ASPRV1: variants seen among roughly 807,000 people sequenced by gnomAD.
ASPRV1 encodes the protein aspartic peptidase retroviral like 1, also known as retroviral-like aspartic protease 1.
ASPRV1 carries 7 observed loss-of-function variants against 11.0 expected under a neutral mutation model. The ratio of observed to expected loss-of-function variants is 0.64; its 90% CI spans 0.36 to 1.20. The LOEUF is 1.20. Among genes scored for constraint, ASPRV1 ranks in the 50% most tolerant of loss-of-function variants. The pLI is 0.02. For missense variants in ASPRV1, 299 were observed against 320.0 expected (o/e 0.93, Z 0.50); for synonymous variants, 136 against 138.4 (o/e 0.98, Z 0.12).
the ASPRV1 span, among the ~76,000 whole-genome samples, chr2:70,082,800 G>A: frequency 6.6e-6 from 1 of 152,298 alleles, no homozygotes; most frequent in African/African-American, 2.4e-5. Flanking sequence ...AGGCTGAGGT[G>A]GGAGGATTGC....
At chr2:69,999,388 C>T in the ASPRV1 span, among the ~76,000 whole-genome samples, 1 of 152,098 alleles carries the variant, frequency 6.6e-6, no homozygotes, top group Admixed American at 6.5e-5. Context: ...AAGACAGAAA[C>T]AATGCCTATA....
At chr2:69,944,832 G>C in the ASPRV1 span, among the ~76,000 whole-genome samples, 2 of 151,776 alleles carry the variant, frequency 1.3e-5, no homozygotes. Flanking sequence ...ATCCTCCTGG[G>C]GATCTAGTGG....
chr2:69,960,832 G>A lies in ASPRV1; in HGVS notation c.605C>T (p.Thr202Ile), dbSNP rs367637047. Reference protein sequence around the residue: ...NASAEEAIIGTDVLQDHNAIL... With the variant: ...NASAEEAIIGIDVLQDHNAIL... The stretch of plus-strand genomic sequence containing the variant: ...AGCATTGTGGTCCTGGAGCACATCA[G>A]TGCCAATGATGGCTTCCTCGGCACT... The change falls in exon 1 of 1, where the codon ACT (threonine) becomes ATT (isoleucine). Residue 202 changes from threonine to isoleucine, a missense_variant. By Grantham distance (89) the Thr-to-Ile change is moderately conservative (BLOSUM62 -1). Coordinates refer to ENST00000320256, the MANE Select transcript of ASPRV1 (RefSeq NM_152792.4). 3.1e-6 allele frequency: 5 copies of A among 1,614,076 alleles called. No individual in the cohort carries two copies. Among genetic ancestry groups the A allele is most frequent in the Non-Finnish European group, 4.2e-6 (5 of 1,180,038 alleles).
At chr2:70,078,570 A>G in the ASPRV1 span, among the ~76,000 whole-genome samples, 1 of 152,306 alleles carries the variant, frequency 6.6e-6, no homozygotes, top group African/African-American at 2.4e-5. Flanking sequence ...CATCTGGAAA[A>G]ATGATGTTCC....
chr2:70,039,315 CAG>C, the ASPRV1 span, among the ~76,000 whole-genome samples: 6 of 152,124 alleles, frequency 3.9e-5, no homozygotes, highest in Non-Finnish European at 8.8e-5. Context: ...TGGATGGAAA[CAG>C]GGTCAGTGTA....
the ASPRV1 span, among the ~76,000 whole-genome samples, chr2:70,025,959 A>G: frequency 6.6e-6 from 1 of 152,358 alleles, no homozygotes; most frequent in East Asian, 1.9e-4. Flanking sequence ...ATCTAGCATC[A>G]GAGAACTAAA....
chr2:70,027,482 C>G, the ASPRV1 span, among the ~76,000 whole-genome samples: 2 of 152,008 alleles, frequency 1.3e-5, no homozygotes, highest in East Asian at 3.9e-4. Flanking sequence ...TCACAATAGC[C>G]AAGATGTGGA....
the ASPRV1 span, chr2:70,032,043 A>G: frequency 6.6e-6 from 1 of 152,190 alleles, no homozygotes; most frequent in Non-Finnish European, 1.5e-5. Flanking sequence ...GACCACAGTC[A>G]TGTGTCCTCC....
chr2:70,007,559 T>C, the ASPRV1 span, among the ~76,000 whole-genome samples: 1 of 151,318 alleles, frequency 6.6e-6, no homozygotes, highest in South Asian at 2.1e-4. Context: ...AAGTAGAGCG[T>C]ATTTAATAAT....
At chr2:70,081,376 T>C in the ASPRV1 span, 2 of 151,944 alleles carry the variant, frequency 1.3e-5, no homozygotes, top group African/African-American at 4.8e-5. Flanking sequence ...ACGCCTGTAG[T>C]GCCAGCTACT....
the ASPRV1 span, among the ~76,000 whole-genome samples, chr2:70,058,713 C>T: frequency 3.3e-5 from 5 of 151,336 alleles, no homozygotes; most frequent in South Asian, 4.2e-4. Context: ...CCAGCACACC[C>T]GGCTAATTTT....
the ASPRV1 span, among the ~76,000 whole-genome samples, chr2:70,067,906 T>G: frequency 3.3e-5 from 5 of 152,212 alleles, no homozygotes; most frequent in African/African-American, 1.2e-4. Context: ...TCAAAAAGAT[T>G]GGGCAGGAGG....
At chr2:69,962,733 C>T (rs1678170793), upstream of ASPRV1, 1 of 163,546 alleles carries the variant, frequency 6.1e-6, no homozygotes, top group Non-Finnish European at 1.4e-5. Flanking sequence ...TCTGCCTGTC[C>T]CTAGAAAGGG....
the ASPRV1 span, among the ~76,000 whole-genome samples, chr2:69,945,208 C>T: frequency 2.6e-5 from 4 of 151,540 alleles, 1 homozygote; most frequent in Admixed American, 6.5e-5. Flanking sequence ...CACTACACTC[C>T]AGCCTGGGCG....
chr2:70,031,218 G>A, the ASPRV1 span: 1 of 152,134 alleles, frequency 6.6e-6, no homozygotes, highest in Non-Finnish European at 1.5e-5. Flanking sequence ...TCACATGCAT[G>A]ATCTCATGTG....
At chr2:69,979,982 G>T in the ASPRV1 span, among the ~76,000 whole-genome samples, 1 of 152,166 alleles carries the variant, frequency 6.6e-6, no homozygotes, top group African/African-American at 2.4e-5. Context: ...AAAAAACTAG[G>T]GCTCAGAAAA....
chr2:70,061,026 G>A, the ASPRV1 span, among the ~76,000 whole-genome samples: 1 of 152,132 alleles, frequency 6.6e-6, no homozygotes, highest in Admixed American at 6.6e-5. Flanking sequence ...GTAAACAAAT[G>A]GGGTGCTAAC....
At chr2:69,990,580 T>G in the ASPRV1 span, among the ~76,000 whole-genome samples, 2 of 152,096 alleles carry the variant, frequency 1.3e-5, no homozygotes, top group Non-Finnish European at 2.9e-5. Context: ...AGGGCTCATG[T>G]GATCCTCCCA....
rs775692995 is a variant in ASPRV1, at chr2:69,961,156, G to C, written c.281C>G (p.Ala94Gly). The C allele has an allele frequency of 6.2e-7, 1 of 1,613,860 alleles. No homozygotes were observed. Among genetic ancestry groups the C allele is most frequent in the Non-Finnish European group, 8.5e-7 (1 of 1,179,834 alleles). The change falls in exon 1 of 1, where the codon GCC becomes GGC. Residue 94 changes from alanine to glycine, a missense_variant. Physicochemically the swap from Ala to Gly is moderately conservative, Grantham distance 60. Coordinates refer to ENST00000320256, the MANE Select transcript of ASPRV1 (RefSeq NM_152792.4). ...GATCTCTTTGGGCAGGTGGCTGGGG[G>C]CAGCCCCAGGGACCCCAAAGGCCTT... ...LLKAFGVPGA[A>G]PSHLPKEIVF...
Sources: allele counts gnomAD v4.1 joint callset (sites outside exome capture counted in the v4.1 genomes callset), GRCh38; gene constraint gnomAD v4.1.1; transcripts MANE v1.5; gene names NCBI Gene and HGNC (gene_info 2026-07-23, HGNC 2026-07-21).